SELP: variants seen among roughly 807,000 people sequenced by gnomAD.
The protein encoded by SELP is selectin P.
In SELP, 92 loss-of-function variants were observed where a neutral mutation model predicts 104.1. The observed-to-expected ratio is 0.88, with a 90% CI of 0.75 to 1.05. The LOEUF is 1.05. Among genes scored for constraint, SELP ranks in the 50% least tolerant of loss-of-function variants. The pLI is 0.00. For missense variants in SELP, 1,022 were observed against 1,017.3 expected (o/e 1.00, Z -0.06); for synonymous variants, 397 against 364.5 (o/e 1.09, Z -1.01).
At chr1:169,625,267 CTGT>C (rs1210955563) in intron 1 of SELP, among the ~76,000 whole-genome samples, 1 of 152,184 alleles carries the variant, frequency 6.6e-6, no homozygotes, top group African/African-American at 2.4e-5. Context: ...CTTAGCTCTT[CTGT>C]TGTTCTTCTG....
Position 169,594,675 on chromosome 1 carries a change from C to T in SELP, c.2287+17G>A. ...TTCCACATCAAAGTGACTTCTTAAC[C>T]CACATGAAAATTGTACCTTGGCAGG... is the stretch of plus-strand genomic sequence containing the variant. On this transcript the variant is annotated intron_variant, in intron 13 of 16. Transcript: ENST00000263686. 2 of 1,608,274 alleles carry T rather than the reference C, an allele frequency of 1.2e-6. No homozygotes were observed. Among genetic ancestry groups the T allele is most frequent in the Non-Finnish European group, 1.7e-6 (2 of 1,176,048 alleles).
chr1:169,611,997 G>A (rs986116361), intron 6 of SELP, among the ~76,000 whole-genome samples: 30 of 152,120 alleles, frequency 2.0e-4, no homozygotes, highest in African/African-American at 7.0e-4. Context: ...AATTATGAAT[G>A]AGGCCATTCT....
At chr1:169,589,920 G>A (rs541027768) in intron 16 of SELP, among the ~76,000 whole-genome samples, 8 of 152,194 alleles carry the variant, frequency 5.3e-5, no homozygotes, top group Admixed American at 2.6e-4. Flanking sequence ...GTTATGTCTT[G>A]TTAGGACATT....
chr1:169,628,061 A>C (rs1663464317), intron 1 of SELP, among the ~76,000 whole-genome samples: 1 of 152,194 alleles, frequency 6.6e-6, no homozygotes, highest in Non-Finnish European at 1.5e-5. Flanking sequence ...ATGCCCAGCC[A>C]GTTTTTGTAA....
Position 169,595,965 on chromosome 1 carries a change from T to C in SELP, c.2061A>G (p.Arg687=), listed in dbSNP as rs1232477378. 2 of 1,613,850 alleles carry C rather than the reference T, an allele frequency of 1.2e-6. No homozygotes were observed. Among genetic ancestry groups the C allele is most frequent in the Admixed American group, 3.3e-5 (2 of 60,004 alleles). Residue 687 remains arginine, a synonymous_variant, in exon 12 of 17, where the codon AGA becomes AGG. Coordinates refer to ENST00000263686, the MANE Select transcript of SELP (RefSeq NM_003005.4). ...TLIGDSTLSC[R]PSGQWTAVTP... ...TTACTGCTGTCCATTGTCCTGAAGG[T>C]CTGCAGCTGAGAGTGCTGTCTCCTA...
At chr1:169,619,375 C>A (rs888373836) in intron 1 of SELP, among the ~76,000 whole-genome samples, 156 bp from the exon 2 acceptor site, 2 of 152,194 alleles carry the variant, frequency 1.3e-5, no homozygotes, top group African/African-American at 2.4e-5. Context: ...CTTCTCATTG[C>A]CCTGCTTCTA....
In SELP at chr1:169,593,666, C is replaced by A. The variant is rs6128; in HGVS notation, c.2346G>T (p.Thr782=). The stretch of plus-strand genomic sequence containing the variant: ...GCGTCCCACCCATTATCAGACCTAT[C>A]GTAGAAGCCACCGCTCCACCAAAGT... ...LTYFGGAVAS[T]IGLIMGGTLL... is the part of the protein sequence containing the mutation. Residue 782 remains threonine (T), a synonymous_variant, in exon 14 of 17, where the codon ACG becomes ACT. Transcript: ENST00000263686. 8.1e-6 allele frequency: 13 copies of A among 1,613,200 alleles called. No homozygotes were observed. The East Asian group carries it at 2.7e-4, about 33-fold the overall frequency.
chr1:169,602,565 A>C (rs1375486331), intron 10 of SELP, among the ~76,000 whole-genome samples: 1 of 152,194 alleles, frequency 6.6e-6, no homozygotes, highest in Non-Finnish European at 1.5e-5. Flanking sequence ...ATTATTTTAG[A>C]ATTGTGGTAA....
intron 12 of SELP, among the ~76,000 whole-genome samples, 164 bp from the exon 13 acceptor site, chr1:169,595,041 A>G (rs932318960): frequency 6.6e-6 from 1 of 152,216 alleles, no homozygotes; most frequent in Non-Finnish European, 1.5e-5. Flanking sequence ...CTAACAGCAC[A>G]TATATGAAAA....
In SELP at chr1:169,594,856, T is replaced by G. The variant is rs766724007; in HGVS notation, c.2123A>C (p.His708Pro). The G allele has an allele frequency of 3.1e-6, 5 of 1,613,436 alleles. No homozygotes were observed. The highest frequency in any genetic ancestry group is 4.2e-6 in the Non-Finnish European group (5 of 1,179,582). Residue 708 changes from histidine to proline, a missense_variant, in exon 13 of 17, where the codon CAT (histidine) becomes CCT (proline). Coordinates refer to ENST00000263686, the MANE Select transcript of SELP (RefSeq NM_003005.4). Reference protein sequence around the residue: ...ACRAVKCSELHVNKPIAMNCS... With the variant: ...ACRAVKCSELPVNKPIAMNCS... ...GTTCATCGCTATTGGCTTATTAACA[T>G]GTAGTTCTGAGCATTTCACAGCTGC...
intron 14 of SELP, among the ~76,000 whole-genome samples, chr1:169,592,388 A>T (rs1571617334): frequency 6.6e-6 from 1 of 152,232 alleles, no homozygotes; most frequent in African/African-American, 2.4e-5. Flanking sequence ...GTTGAGACCT[A>T]TGTCAACAAT....
At chr1:169,623,937 G>C (rs957637845) in intron 1 of SELP, among the ~76,000 whole-genome samples, 1 of 152,078 alleles carries the variant, frequency 6.6e-6, no homozygotes, top group South Asian at 2.1e-4. Context: ...TATTCTTCCA[G>C]GGCTTATGAA....
chr1:169,618,132 TG>T (rs1163534896), intron 2 of SELP, among the ~76,000 whole-genome samples: 1 of 152,176 alleles, frequency 6.6e-6, no homozygotes, highest in African/African-American at 2.4e-5. Context: ...TCTCCGACGG[TG>T]TTTTCTTTTT....
At chr1:169,616,530 A>G (rs1662819927) in intron 3 of SELP, among the ~76,000 whole-genome samples, 1 of 152,234 alleles carries the variant, frequency 6.6e-6, no homozygotes, top group Admixed American at 6.5e-5. Flanking sequence ...AGCAAATGAC[A>G]CATGAACTAA....
Position 169,603,050 on chromosome 1 carries a change from T to C in SELP, c.1681A>G (p.Thr561Ala). Residue 561 changes from threonine (T) to alanine (A), a missense_variant, in exon 10 of 17, where the codon ACA becomes GCA. By Grantham distance (58) the Thr-to-Ala change is moderately conservative. Transcript: ENST00000263686. The part of the protein sequence containing the change: ...RLDCTRSGRW[T>A]DSPPMCEAIK... ...CCTTCACACATTGGTGGGGAGTCTG[T>C]CCAGCGTCCCGATCGAGTACAATCC... 6.2e-7 allele frequency: 1 copy of C among 1,613,792 alleles called. No homozygotes were observed. The highest frequency in any genetic ancestry group is 8.5e-7 in the Non-Finnish European group (1 of 1,179,800).
rs1179339514 is a variant in SELP, at chr1:169,617,434, G to C, written c.95-20C>G. 3.7e-6 allele frequency: 6 copies of C among 1,609,184 alleles called. No homozygotes were observed. The highest frequency in any genetic ancestry group is 1.3e-5 in the African/African-American group (1 of 74,760). The stretch of plus-strand genomic sequence containing the variant: ...TTAGTTCTAGAGTAAAGGAGAGTGA[G>C]TGCCAGGTTAGTACCCCTCACCAAA... On this transcript the variant is annotated intron_variant, in intron 2 of 16. Transcript: ENST00000263686.
chr1:169,613,902 A>ACT (rs1297501869), intron 3 of SELP, among the ~76,000 whole-genome samples: 4 of 152,340 alleles, frequency 2.6e-5, no homozygotes, highest in Non-Finnish European at 5.9e-5. Flanking sequence ...CCCATTTCAT[A>ACT]CTGCATTTAG....
chr1:169,598,224 T>C (rs918847028), intron 10 of SELP, among the ~76,000 whole-genome samples: 1 of 152,242 alleles, frequency 6.6e-6, no homozygotes, highest in African/African-American at 2.4e-5. Context: ...AATTCTCTAA[T>C]ATAAGACTAT....
In SELP at chr1:169,611,501, T is replaced by C; in HGVS notation, c.1138A>G (p.Thr380Ala). The stretch of plus-strand genomic sequence containing the variant: ...TAATGAAAAATCCTACCCTCACAGG[T>C]TGGCAAGGGTGCAGACCAGTGTCCA... ...DSGHWSAPLP[T>A]CEAISCEPLE... The change falls in exon 7 of 17, where the codon ACC (threonine) becomes GCC (alanine). Residue 380 changes from threonine (T) to alanine (A), a missense_variant. By Grantham distance (58) the Thr-to-Ala change is moderately conservative. Coordinates refer to ENST00000263686, the MANE Select transcript of SELP (RefSeq NM_003005.4). 6.2e-7 allele frequency: 1 copy of C among 1,613,736 alleles called. No homozygotes were observed. The highest frequency in any genetic ancestry group is 1.3e-5 in the African/African-American group (1 of 74,934).
Sources: gnomAD v4.1 joint callset for allele counts (sites outside exome capture counted in the v4.1 genomes callset) on GRCh38, gnomAD v4.1.1 for gene constraint, MANE v1.5 for transcripts, NCBI Gene and HGNC (gene_info 2026-07-23, HGNC 2026-07-21) for gene names.